CROCC: variants seen among roughly 807,000 people sequenced by gnomAD.
The protein encoded by CROCC is ciliary rootlet coiled-coil, rootletin, also known as rootletin.
In CROCC, 180 loss-of-function variants were observed where a neutral mutation model predicts 245.2. The observed-to-expected ratio is 0.73, with a 90% CI of 0.65 to 0.83. The LOEUF (loss-of-function observed/expected upper bound fraction) is 0.83, where lower values mean the gene tolerates loss of function less well. Among genes scored for constraint, CROCC ranks in the 40% least tolerant of loss-of-function variants. The probability of loss-of-function intolerance (pLI) is 0.00; values close to 1 mark genes in which losing one functional copy is unlikely to be tolerated. For missense variants in CROCC, 2,688 were observed against 2,779.4 expected, an observed-to-expected ratio of 0.97 and a Z score of 0.74; for synonymous variants, 1,205 against 1,241.6, an observed-to-expected ratio of 0.97 and a Z score of 0.62.
intron 21 of CROCC, 130 bp downstream of exon 21, chr1:16,953,611 T>G: frequency 1.2e-6 from 1 of 838,430 alleles, no homozygotes; most frequent in South Asian, 1.8e-5. Flanking sequence ...CTCAGTTTCC[T>G]TACCTGCAGG....
At chr1:16,964,660 G>A (rs1009521419) in intron 27 of CROCC, among the ~76,000 whole-genome samples, 7 of 152,098 alleles carry the variant, frequency 4.6e-5, no homozygotes, top group Non-Finnish European at 1.0e-4. Flanking sequence ...TGGGATTACA[G>A]GTGTGAGCCA....
chr1:16,923,157 C>G (rs1159527215), intron 2 of CROCC, among the ~76,000 whole-genome samples: 2 of 152,260 alleles, frequency 1.3e-5, no homozygotes, highest in Non-Finnish European at 2.9e-5. Context: ...CAGGGTTTTG[C>G]GGAAGTCTGA....
chr1:16,955,002 C>A (rs943777024), intron 23 of CROCC, 125 bp downstream of exon 23: 4 of 1,251,844 alleles, frequency 3.2e-6, no homozygotes, highest in Non-Finnish European at 4.3e-6. Context: ...CAATGAATAG[C>A]AACTTAGAAA....
At chr1:16,971,326 G>A in intron 35 of CROCC, 139 bp from the exon 36 acceptor site, 1 of 1,308,516 alleles carries the variant, frequency 7.6e-7, no homozygotes, top group Non-Finnish European at 1.0e-6. Context: ...AGGGCCAGCA[G>A]GATGGAAGAC....
chr1:16,960,908 C>T lies in CROCC; in HGVS notation c.4183C>T (p.Arg1395Trp), dbSNP rs1300203270. ...CCTGGAGCTGAAGCTGGAGGCGGCG[C>T]GGGCCGAGGCTGCAGAGCTGGGCCT... ...RGLELKLEAA[R>W]AEAAELGLRL... is the part of the protein sequence containing the mutation. Residue 1395 changes from arginine (R) to tryptophan (W), a missense_variant, in exon 27 of 37, where the codon CGG (arginine) becomes TGG (tryptophan). Coordinates refer to ENST00000375541, the MANE Select transcript of CROCC (RefSeq NM_014675.5). The T allele has an allele frequency of 2.7e-6, 4 of 1,502,404 alleles. No individual in the cohort carries two copies. Among genetic ancestry groups the T allele is most frequent in the South Asian group, 2.5e-5 (2 of 79,734 alleles). The allele number at this position is 1,502,404 out of a possible 1,614,324, so 93.1% of individuals were successfully genotyped here.
intron 20 of CROCC, 178 bp downstream of exon 20, chr1:16,951,300 TC>T: frequency 2.0e-6 from 1 of 503,902 alleles, no homozygotes; most frequent in Non-Finnish European, 3.3e-6. Context: ...ACATGCAGAT[TC>T]CCAGGTCCCA....
chr1:16,970,021 C>T, intron 33 of CROCC, 87 bp downstream of exon 33: 1 of 1,472,684 alleles, frequency 6.8e-7, no homozygotes, highest in Non-Finnish European at 9.1e-7. Context: ...TCAACCTCAT[C>T]CCAAACCCTG....
chr1:16,935,748 G>T (rs1171783553), intron 8 of CROCC, among the ~76,000 whole-genome samples: 5 of 152,272 alleles, frequency 3.3e-5, no homozygotes, highest in Non-Finnish European at 7.3e-5. Context: ...CTTGGCCACA[G>T]AGTGTTCCAC....
rs144807423 is a variant in CROCC, at chr1:16,952,134, A to C, written c.3006+1012A>C. Among the ~76,000 whole-genome samples, 503 of 150,030 alleles carry C rather than the reference A, an allele frequency of 3.4e-3. 4 individuals carry two copies. The highest frequency in any genetic ancestry group is 0.012 in the African/African-American group (482 of 41,118). The stretch of plus-strand genomic sequence containing the variant: ...GAACTTTTGACCTCGTAATCTGCCC[A>C]CCTCGGCCTCCCAAAGTGCTGGGAT... On this transcript the variant is annotated intron_variant, in intron 20 of 36. Coordinates refer to ENST00000375541, the MANE Select transcript of CROCC (RefSeq NM_014675.5).
At chr1:16,921,513 C>A (rs2075404686), upstream of CROCC, among the ~76,000 whole-genome samples, 2 of 152,292 alleles carry the variant, frequency 1.3e-5, no homozygotes, top group Admixed American at 1.3e-4. Flanking sequence ...ATACTCCCAG[C>A]ATGCTGTAAA....
rs781270973 is a variant in CROCC at position 16,946,950 on chromosome 1, C to G, written c.2473C>G (p.Leu825Val). ...GGCATTGGAGCAGCAGCTCCCCACG[C>G]TGCGCCATGAGCGCAGCCAGCTGCA... Reference protein sequence around the residue: ...QEALEQQLPTLRHERSQLQEQ... With the variant: ...QEALEQQLPTVRHERSQLQEQ... The change falls in exon 17 of 37, where the codon CTG becomes GTG. Residue 825 changes from leucine (L) to valine (V), a missense_variant. Leu to Val is a conservative substitution (Grantham distance 32). Transcript: ENST00000375541. 1 of 1,557,816 alleles carries G rather than the reference C, an allele frequency of 6.4e-7. No homozygotes were observed. Among genetic ancestry groups the G allele is most frequent in the Non-Finnish European group, 8.7e-7 (1 of 1,151,456 alleles).
chr1:16,935,411 G>T (rs1355188178), intron 8 of CROCC, among the ~76,000 whole-genome samples: 1 of 152,124 alleles, frequency 6.6e-6, no homozygotes, highest in African/African-American at 2.4e-5. Flanking sequence ...TTCTCCACTG[G>T]TTTTTTTGTT....
At chr1:16,935,964 C>A (rs1484552406) in intron 8 of CROCC, among the ~76,000 whole-genome samples, 4 of 152,254 alleles carry the variant, frequency 2.6e-5, no homozygotes, top group Non-Finnish European at 5.9e-5. Context: ...TCAGAGCTCT[C>A]CCTCAGTGCC....
chr1:16,933,449 A>G (rs1448535553), intron 8 of CROCC, among the ~76,000 whole-genome samples: 1 of 152,276 alleles, frequency 6.6e-6, no homozygotes, highest in African/African-American at 2.4e-5. Flanking sequence ...CCTGGGTGAC[A>G]GAGTGAAACT....
At chr1:16,931,923 A>ATT (rs376677756) in intron 8 of CROCC, among the ~76,000 whole-genome samples, 3 of 147,580 alleles carry the variant, frequency 2.0e-5, no homozygotes, top group Admixed American at 6.7e-5. Context: ...CACCCAGCTA[A>ATT]TTTTTTTTTT....
chr1:16,948,372 G>T lies in CROCC; in HGVS notation c.2556G>T (p.Gln852His). 1 of 1,578,482 alleles carries T rather than the reference G, an allele frequency of 6.3e-7. No individual in the cohort carries two copies. The highest frequency in any genetic ancestry group is 8.6e-7 in the Non-Finnish European group (1 of 1,165,552). The change falls in exon 18 of 37, where the codon CAG becomes CAT. Residue 852 changes from glutamine to histidine, a missense_variant. Physicochemically the swap from Gln to His is conservative, Grantham distance 24. Coordinates refer to ENST00000375541, the MANE Select transcript of CROCC (RefSeq NM_014675.5). ...QLSGREQELE[Q>H]ARREAQRQVE... ...GCGGGCGGGAGCAGGAGCTGGAGCA[G>T]GCCCGGCGGGAGGCCCAGCGGCAAG...
chr1:16,941,606 C>G (rs2075933778), intron 13 of CROCC, among the ~76,000 whole-genome samples: 1 of 151,872 alleles, frequency 6.6e-6, no homozygotes, highest in Non-Finnish European at 1.5e-5. Context: ...GTGGCAGGCA[C>G]CTATAGTCCC....
In CROCC at chr1:16,966,587, G is replaced by A. The variant is rs1201582989; in HGVS notation, c.4860+16G>A. On this transcript the variant is annotated intron_variant, in intron 30 of 36. Transcript: ENST00000375541. The surrounding 1 kb of genome is among the most constrained non-coding windows in gnomAD (Gnocchi z 4.8). ...GGCCAGCCAGGTGGGCAGGAGCTGA[G>A]GGCCAGCGGGGCGACGGGGAATCTG... 1.4e-6 allele frequency: 2 copies of A among 1,458,680 alleles called. No homozygotes were observed. The highest frequency in any genetic ancestry group is 2.5e-5 in the East Asian group (1 of 39,602). 90.4% of individuals were successfully genotyped at this position (1,458,680 alleles called of 1,614,324 possible). A position where few individuals can be genotyped will look rare whatever the true frequency, so the allele number is the denominator to read the frequency against.
At chr1:16,924,622 T>G in intron 3 of CROCC, 143 bp downstream of exon 3, 1 of 1,066,498 alleles carries the variant, frequency 9.4e-7, no homozygotes, top group Non-Finnish European at 1.4e-6. Flanking sequence ...TCTGCCACCT[T>G]GAGTGGCGTT....
Sources: allele counts gnomAD v4.1 joint callset (sites outside exome capture counted in the v4.1 genomes callset), GRCh38; gene constraint gnomAD v4.1.1; non-coding constraint Gnocchi (gnomAD v3.1); transcripts MANE v1.5; gene names NCBI Gene and HGNC (gene_info 2026-07-23, HGNC 2026-07-21).